The following DOK7 variants were observed in gnomAD, a reference collection of about 807,000 sequenced individuals.
The protein encoded by DOK7 is docking protein 7, also known as protein Dok-7.
DOK7 carries 32 observed loss-of-function variants against 30.7 expected under a neutral mutation model. The observed-to-expected ratio is 1.04, with a 90% CI of 0.79 to 1.40. The LOEUF (loss-of-function observed/expected upper bound fraction) is 1.40. DOK7 is among the 40% of genes most tolerant of loss of function. The pLI is 0.00. For missense variants in DOK7, 1,007 were observed against 699.2 expected, an observed-to-expected ratio of 1.44 and a Z score of -4.97; for synonymous variants, 447 against 324.1, an observed-to-expected ratio of 1.38 and a Z score of -4.07.
intron 5 of DOK7, among the ~76,000 whole-genome samples, chr4:3,489,061 G>A (rs1185239640): frequency 3.9e-5 from 6 of 152,228 alleles, no homozygotes; most frequent in Non-Finnish European, 7.3e-5. Context: ...CTCAGTCGCA[G>A]AGGACACATG....
intron 6 of DOK7, among the ~76,000 whole-genome samples, chr4:3,491,280 T>G (rs1157408639): frequency 1.0e-5 from 1 of 96,206 alleles, no homozygotes; most frequent in African/African-American, 4.2e-5. Context: ...CATTCATTCC[T>G]TCCTCCGCCC....
At chr4:3,489,571 C>A (rs763704270) in intron 5 of DOK7, 106 bp from the exon 6 acceptor site, 15 of 1,529,618 alleles carry the variant, frequency 9.8e-6, no homozygotes, top group African/African-American at 1.4e-5. Flanking sequence ...AGGGGACTGC[C>A]ACTCCACAGA....
At chr4:3,470,654 C>G (rs1726705363) in intron 2 of DOK7, among the ~76,000 whole-genome samples, 1 of 152,204 alleles carries the variant, frequency 6.6e-6, no homozygotes, top group African/African-American at 2.4e-5. Context: ...ACTGTGGTCT[C>G]TGGGCCAAAT....
intron 5 of DOK7, 43 bp from the exon 6 acceptor site, chr4:3,489,634 C>A (rs369788416): frequency 1.3e-6 from 2 of 1,556,794 alleles, no homozygotes; most frequent in Admixed American, 1.9e-5. Flanking sequence ...CGAGGGTGGG[C>A]GGTGGTGGCC....
At chr4:3,482,306 G>A (rs953319287) in intron 4 of DOK7, among the ~76,000 whole-genome samples, 23 of 152,348 alleles carry the variant, frequency 1.5e-4, no homozygotes, top group African/African-American at 5.1e-4. Context: ...CCCATGAGGT[G>A]CTGCCTGGGG....
At chr4:3,490,309 C>CCA (rs1334038611) in intron 6 of DOK7, among the ~76,000 whole-genome samples, 1 of 100,234 alleles carries the variant, frequency 1.0e-5, no homozygotes, top group African/African-American at 3.5e-5. Flanking sequence ...TCCGCCCCCC[C>CCA]GGCTCATTCT....
At chr4:3,479,776 G>A (rs1727328263) in intron 4 of DOK7, among the ~76,000 whole-genome samples, 1 of 152,246 alleles carries the variant, frequency 6.6e-6, no homozygotes. Flanking sequence ...GTCTCTCTGT[G>A]GACAGCTGCC....
intron 3 of DOK7, among the ~76,000 whole-genome samples, chr4:3,475,668 C>T (rs1463866596): frequency 6.6e-6 from 1 of 152,230 alleles, no homozygotes; most frequent in East Asian, 1.9e-4. Flanking sequence ...CAGGCTGGGG[C>T]CTCGATACAG....
In DOK7 at chr4:3,463,329, G is replaced by T; in HGVS notation, c.-47G>T. On this transcript the variant is annotated 5_prime_UTR_variant, in exon 1 of 7. Transcript: ENST00000340083. ...GCGAGCTATTTTGAAAGTGACCCTG[G>T]GCTGGGGCGCCGGGGCGAGCGCGGC... 7.0e-7 allele frequency: 1 copy of T among 1,425,480 alleles called. No individual in the cohort carries two copies. Among genetic ancestry groups the T allele is most frequent in the Non-Finnish European group, 9.1e-7 (1 of 1,101,278 alleles). 88.3% of individuals were successfully genotyped at this position (1,425,480 alleles called of 1,614,324 possible). A position where few individuals can be genotyped will look rare whatever the true frequency, so the allele number is the denominator to read the frequency against.
chr4:3,470,967 C>G (rs757400371), intron 2 of DOK7, among the ~76,000 whole-genome samples: 7 of 152,212 alleles, frequency 4.6e-5, no homozygotes, highest in Non-Finnish European at 8.8e-5. Context: ...AGAGCAGAGC[C>G]ACAGGGGAGG....
intron 2 of DOK7, among the ~76,000 whole-genome samples, chr4:3,466,427 T>C (rs1037071246): frequency 6.6e-6 from 1 of 152,110 alleles, no homozygotes; most frequent in African/African-American, 2.4e-5. Flanking sequence ...CCACAGCGCC[T>C]CCGCTAACGA....
At chr4:3,469,813 C>G (rs890401773) in intron 2 of DOK7, among the ~76,000 whole-genome samples, 1 of 152,078 alleles carries the variant, frequency 6.6e-6, no homozygotes, top group African/African-American at 2.4e-5. Context: ...AAAACAGGAT[C>G]GATTTATTGT....
chr4:3,479,930 C>T (rs1402178435), intron 4 of DOK7, among the ~76,000 whole-genome samples: 1 of 152,254 alleles, frequency 6.6e-6, no homozygotes, highest in East Asian at 1.9e-4. Flanking sequence ...TGGCAGGCGA[C>T]GGTCTGTGGA....
intron 2 of DOK7, among the ~76,000 whole-genome samples, chr4:3,464,647 G>T (rs73792097): frequency 5.3e-5 from 8 of 152,224 alleles, no homozygotes; most frequent in African/African-American, 1.9e-4. Context: ...GGCAGGTGAT[G>T]CTTGGTGGAT....
chr4:3,487,050 CA>C (rs564913937), intron 5 of DOK7, among the ~76,000 whole-genome samples: 382 of 152,230 alleles, frequency 2.5e-3, no homozygotes, highest in African/African-American at 8.9e-3. Flanking sequence ...CAGGCGGGGC[CA>C]TTGCTGACAG....
chr4:3,499,275 T>G (rs1056556229), downstream of DOK7, among the ~76,000 whole-genome samples: 3 of 151,994 alleles, frequency 2.0e-5, no homozygotes, highest in African/African-American at 7.2e-5. Context: ...GCTCGGAGTG[T>G]GCTGGGGGTG....
At chr4:3,491,972 C>G (rs918864251) in intron 6 of DOK7, among the ~76,000 whole-genome samples, 1 of 152,248 alleles carries the variant, frequency 6.6e-6, no homozygotes, top group Non-Finnish European at 1.5e-5. Flanking sequence ...ACCAAGCAGA[C>G]AGTGGTCATC....
Position 3,494,238 on chromosome 4 carries a change from C to G in DOK7, c.*737C>G. 2 of 985,540 alleles carry G rather than the reference C, an allele frequency of 2.0e-6. No homozygotes were observed. Among genetic ancestry groups the G allele is most frequent in the Non-Finnish European group, 2.4e-6 (2 of 830,002 alleles). 61.0% of individuals were successfully genotyped at this position (985,540 alleles called of 1,614,324 possible). A position where few individuals can be genotyped will look rare whatever the true frequency, so the allele number is the denominator to read the frequency against. ...CTGCTGGCTCCTGTCTGAACCTCCT[C>G]GCAGGGCCAAAGGCTGGCTTGGCCT... On this transcript the variant is annotated 3_prime_UTR_variant, in exon 7 of 7. Coordinates refer to ENST00000340083, the MANE Select transcript of DOK7 (RefSeq NM_173660.5).
At chr4:3,490,281 T>TTCTTCACCC (rs1728185804) in intron 6 of DOK7, among the ~76,000 whole-genome samples, 1 of 94,036 alleles carries the variant, frequency 1.1e-5, no homozygotes, top group Admixed American at 1.2e-4. Context: ...TTCCCCACCT[T>TTCTTCACCC]GCTCATTCAT....
Sources: gnomAD v4.1 joint callset for allele counts (sites outside exome capture counted in the v4.1 genomes callset) on GRCh38, gnomAD v4.1.1 for gene constraint, MANE v1.5 for transcripts, NCBI Gene and HGNC (gene_info 2026-07-23, HGNC 2026-07-21) for gene names.